The following NAPA variants were observed in gnomAD, a reference collection of about 807,000 sequenced individuals.
The protein encoded by NAPA is alpha-soluble NSF attachment protein.
In NAPA, 18 loss-of-function variants were observed where a neutral mutation model predicts 48.0. The observed-to-expected ratio is 0.38, with a 90% CI of 0.26 to 0.56. The LOEUF (loss-of-function observed/expected upper bound fraction) is 0.56. NAPA is among the 20% of genes least tolerant of loss of function. The pLI, the probability that NAPA is intolerant of heterozygous loss-of-function variation, is 0.77. For synonymous variants in NAPA, 152 were observed against 149.9 expected, an observed-to-expected ratio of 1.01 and a Z score of -0.10; for missense variants, 315 against 385.0, an observed-to-expected ratio of 0.82 and a Z score of 1.52.
intron 1 of NAPA, among the ~76,000 whole-genome samples, chr19:47,511,132 C>T (rs746593093): frequency 6.6e-6 from 1 of 152,186 alleles, no homozygotes; most frequent in Non-Finnish European, 1.5e-5. Context: ...CTGGGGTTCC[C>T]AAAGGGGAAG....
rs78442175 is a variant in NAPA, at chr19:47,514,820, C to A, written c.98+23G>T. 57 of 1,607,850 alleles carry A rather than the reference C, an allele frequency of 3.5e-5. No individual in the cohort carries two copies. The East Asian group carries it at 1.3e-3, about 36-fold the overall frequency. ...TCGTCCTCTCAGCCTAGGTCCCGGC[C>A]GACCCCTCAGCCCGGTTCTCACCCA... On this transcript the variant is annotated intron_variant, in intron 1 of 10. Transcript: ENST00000263354.
chr19:47,494,321 A>G (rs1224824051), intron 4 of NAPA, among the ~76,000 whole-genome samples: 9 of 152,128 alleles, frequency 5.9e-5, no homozygotes, highest in African/African-American at 1.7e-4. Flanking sequence ...GGCCTAATAA[A>G]TGGCAGCTGC....
chr19:47,499,641 C>G (rs1415688811), intron 3 of NAPA, among the ~76,000 whole-genome samples: 1 of 152,260 alleles, frequency 6.6e-6, no homozygotes, highest in Non-Finnish European at 1.5e-5. Context: ...AGCAACTGGT[C>G]AGTCTAAGGA....
At chr19:47,490,974 TC>T in intron 8 of NAPA, 118 bp from the exon 9 acceptor site, 5 of 778,434 alleles carry the variant, frequency 6.4e-6, no homozygotes, top group Admixed American at 4.7e-5. Flanking sequence ...CTTGCACCCC[TC>T]CCCCAGCCTC....
At chr19:47,487,425 C>T (rs1214519282), downstream of NAPA, among the ~76,000 whole-genome samples, 1 of 152,144 alleles carries the variant, frequency 6.6e-6, no homozygotes, top group Non-Finnish European at 1.5e-5. Flanking sequence ...TCAAGATGGG[C>T]GCTCTGGGAC....
chr19:47,495,785 A>T, intron 3 of NAPA, 189 bp from the exon 4 acceptor site: 1 of 611,998 alleles, frequency 1.6e-6, no homozygotes, highest in South Asian at 1.9e-5. Context: ...AGCCCCAGGA[A>T]ATCTGGTGAG....
chr19:47,490,827 G>C lies in NAPA; in HGVS notation c.696C>G (p.Phe232Leu). 6.2e-7 allele frequency: 1 copy of C among 1,613,770 alleles called. No individual in the cohort carries two copies. The highest frequency in any genetic ancestry group is 8.5e-7 in the Non-Finnish European group (1 of 1,179,830). The change falls in exon 9 of 11, where the codon TTC becomes TTG. Residue 232 changes from phenylalanine (F) to leucine (L), a missense_variant. Phe to Leu is a conservative substitution (Grantham distance 22, BLOSUM62 0). Coordinates refer to ENST00000263354, the MANE Select transcript of NAPA (RefSeq NM_003827.4). The part of the protein sequence containing the change: ...KLAVQKYEEL[F>L]PAFSDSRECK... ...ATTCCCGGGAATCAGAGAAAGCTGG[G>C]AACAGCTCCTCATACTTTTGGACAG...
At chr19:47,511,259 G>A (rs1223462254) in intron 1 of NAPA, among the ~76,000 whole-genome samples, 2 of 152,338 alleles carry the variant, frequency 1.3e-5, no homozygotes, top group South Asian at 2.1e-4. Flanking sequence ...ACCCAGATCA[G>A]AGAGGAGGAG....
chr19:47,514,102 G>A (rs1225922862), intron 1 of NAPA, among the ~76,000 whole-genome samples: 1 of 151,724 alleles, frequency 6.6e-6, no homozygotes, highest in Non-Finnish European at 1.5e-5. Context: ...GCCCACCTCG[G>A]CCTCCCAAAG....
intron 1 of NAPA, among the ~76,000 whole-genome samples, chr19:47,507,462 C>CGATAGAG: frequency 6.6e-6 from 1 of 152,204 alleles, no homozygotes; most frequent in Non-Finnish European, 1.5e-5. Flanking sequence ...GACCCACCAC[C>CGATAGAG]TGCAGCTCCC....
At position 47,488,110 on chromosome 19, in the gene NAPA, T is replaced by A. The variant is rs931311239; in HGVS notation, c.*178A>T. ...ATGTAGCGAGAACAGAGGGTGACTG[T>A]CCGGCCAGCAGCCTGGGCCTCTGGC... On this transcript the variant is annotated 3_prime_UTR_variant, in exon 11 of 11. Coordinates refer to ENST00000263354, the MANE Select transcript of NAPA (RefSeq NM_003827.4). The A allele has an allele frequency of 1.4e-5, 8 of 586,320 alleles. No homozygotes were observed. Among genetic ancestry groups the A allele is most frequent in the Non-Finnish European group, 2.4e-5 (8 of 326,960 alleles). 36.3% of individuals were successfully genotyped at this position (586,320 alleles called of 1,614,324 possible).
chr19:47,513,897 T>A (rs1968854595), intron 1 of NAPA, among the ~76,000 whole-genome samples: 2 of 130,372 alleles, frequency 1.5e-5, no homozygotes, highest in South Asian at 5.2e-4. Context: ...TCCCCCAGGC[T>A]GTAGTGCAGT....
chr19:47,490,894 A>T (rs999881645), intron 8 of NAPA, 38 bp from the exon 9 acceptor site: 1 of 1,593,102 alleles, frequency 6.3e-7, no homozygotes, highest in African/African-American at 1.3e-5. Flanking sequence ...GTTAGTAACA[A>T]GAGGGTCCTC....
At chr19:47,495,443 G>T in intron 4 of NAPA, 107 bp downstream of exon 4, 1 of 1,273,098 alleles carries the variant, frequency 7.9e-7, no homozygotes, top group Non-Finnish European at 1.1e-6. Context: ...TCCCCAAGTG[G>T]TTTGGCCGCA....
intron 3 of NAPA, chr19:47,496,809 C>T (rs1029340284): frequency 2.2e-6 from 1 of 450,414 alleles, no homozygotes; most frequent in African/African-American, 2.0e-5. Context: ...GGGAGTCCAA[C>T]CCCTCCTTCT....
In NAPA at chr19:47,514,991, C is replaced by T. The variant is rs758889601; in HGVS notation, c.-51G>A. 3 of 1,571,048 alleles carry T rather than the reference C, an allele frequency of 1.9e-6. No homozygotes were observed. The highest frequency in any genetic ancestry group is 2.2e-5 in the South Asian group (2 of 89,450). ...GCGCCTGACCCTGACCCTGGGAAGA[C>T]TCAGCCGCGGCCGGGCCGCGGAACA... is the stretch of plus-strand genomic sequence containing the variant. On this transcript the variant is annotated 5_prime_UTR_variant, in exon 1 of 11. Coordinates refer to ENST00000263354, the MANE Select transcript of NAPA (RefSeq NM_003827.4).
chr19:47,500,828 G>T, intron 2 of NAPA, 79 bp from the exon 3 acceptor site: 3 of 1,142,034 alleles, frequency 2.6e-6, no homozygotes, highest in Non-Finnish European at 3.7e-6. Context: ...TGCCCTGGGA[G>T]GTGGGTCGGG....
At chr19:47,486,011 G>A (rs1555755828), downstream of NAPA, among the ~76,000 whole-genome samples, 1 of 152,176 alleles carries the variant, frequency 6.6e-6, no homozygotes, top group Non-Finnish European at 1.5e-5. Context: ...CCTGTTAAGA[G>A]GTTTCCAATC....
Position 47,514,857 on chromosome 19 carries a change from G to A in NAPA, c.84C>T (p.Phe28=), listed in dbSNP as rs201027593. 24 of 1,613,974 alleles carry A rather than the reference G, an allele frequency of 1.5e-5. No individual in the cohort carries two copies. In the East Asian group the frequency reaches 3.1e-4, roughly 21 times the overall value. The change falls in exon 1 of 11, where the codon TTC becomes TTT. Residue 28 remains phenylalanine, a synonymous_variant. Coordinates refer to ENST00000263354, the MANE Select transcript of NAPA (RefSeq NM_003827.4). ...CCGGTTCTCACCCAAAGAGGCCAGAGAAGAAGGACTGCGAGTTCTTCACTT... is the reference window on the plus strand; with the variant it reads ...CCGGTTCTCACCCAAAGAGGCCAGAAAAGAAGGACTGCGAGTTCTTCACTT... ...ERKVKNSQSF[F]SGLFGGSSKI...
Sources: allele counts gnomAD v4.1 joint callset (sites outside exome capture counted in the v4.1 genomes callset), GRCh38; gene constraint gnomAD v4.1.1; transcripts MANE v1.5; gene names NCBI Gene and HGNC (gene_info 2026-07-23, HGNC 2026-07-21).